ZNF474: variants seen among roughly 807,000 people sequenced by gnomAD.
The protein encoded by ZNF474 is 4933409D10Rik.
For synonymous variants in ZNF474, 192 were observed against 162.2 expected (o/e 1.18, Z -1.39); for missense variants, 511 against 433.8 (o/e 1.18, Z -1.58).
At chr5:122,141,358 G>T (rs551762241) in intron 1 of ZNF474, among the ~76,000 whole-genome samples, 50 of 142,828 alleles carry the variant, frequency 3.5e-4, no homozygotes, top group South Asian at 6.7e-4. Context: ...TGCCAGGCTG[G>T]AGTGCAATGG....
intron 1 of ZNF474, among the ~76,000 whole-genome samples, chr5:122,141,739 C>G (rs1244470103): frequency 6.6e-6 from 1 of 152,182 alleles, no homozygotes; most frequent in Non-Finnish European, 1.5e-5. Context: ...ACACCCAGCT[C>G]ACAGCACGAT....
intron 1 of ZNF474, among the ~76,000 whole-genome samples, chr5:122,131,048 T>G (rs1047414057): frequency 3.5e-4 from 53 of 152,102 alleles, no homozygotes; most frequent in African/African-American, 1.2e-3. Flanking sequence ...CAGGTAGGTA[T>G]ATGAAGATGC....
At position 122,151,960 on chromosome 5, in the gene ZNF474, G is replaced by A; in HGVS notation, c.-31G>A. 6.3e-7 allele frequency: 1 copy of A among 1,583,786 alleles called. No homozygotes were observed. Among genetic ancestry groups the A allele is most frequent in the Non-Finnish European group, 8.5e-7 (1 of 1,170,996 alleles). ...CCAAAGTGAGTCTGGCCTGAAATCA[G>A]AGCAAGCACTACAGAAAGACATCTT... is the stretch of plus-strand genomic sequence containing the variant. On this transcript the variant is annotated 5_prime_UTR_variant, in exon 2 of 2. Coordinates refer to ENST00000296600, the MANE Select transcript of ZNF474 (RefSeq NM_207317.3).
chr5:122,153,117 C>G lies in ZNF474; in HGVS notation c.*32C>G. On this transcript the variant is annotated 3_prime_UTR_variant, in exon 2 of 2. Transcript: ENST00000296600. ...AAGAGAAAACTATCCCCAGAATCAG[C>G]CACCTCAGCCCCTAGTATTTTTTCT... 2 of 1,564,604 alleles carry G rather than the reference C, an allele frequency of 1.3e-6. No individual in the cohort carries two copies. Among genetic ancestry groups the G allele is most frequent in the Non-Finnish European group, 1.7e-6 (2 of 1,158,074 alleles).
rs370174856 is a variant in ZNF474, at chr5:122,134,747, G to C, written c.-213+5064G>C. Among the ~76,000 whole-genome samples the C allele has an allele frequency of 4.7e-4, 71 of 152,278 alleles. 2 individuals carry two copies. The South Asian group carries it at 0.01, about 22-fold the overall frequency. ...GTGGCCTTGAAAATGTTCTTCTTGA[G>C]TGCCTGGTACTTGGGGGTTCTCTTT... On this transcript the variant is annotated intron_variant, in intron 1 of 1. Transcript: ENST00000296600.
At chr5:122,130,145 A>G (rs1755544242) in intron 1 of ZNF474, among the ~76,000 whole-genome samples, 1 of 152,142 alleles carries the variant, frequency 6.6e-6, no homozygotes, top group South Asian at 2.1e-4. Flanking sequence ...GGCTATAATT[A>G]CTCAGTTGTC....
In ZNF474 at chr5:122,152,978, A is replaced by G. The variant is rs1756238851; in HGVS notation, c.988A>G (p.Thr330Ala). 4 of 1,614,020 alleles carry G rather than the reference A, an allele frequency of 2.5e-6. No individual in the cohort carries two copies. In the African/African-American group the frequency reaches 5.3e-5, roughly 22 times the overall value. The change falls in exon 2 of 2, where the codon ACT (threonine) becomes GCT (alanine). Residue 330 changes from threonine to alanine, a missense_variant. Coordinates refer to ENST00000296600, the MANE Select transcript of ZNF474 (RefSeq NM_207317.3). ...LGSKGGLKEYTNSKQQRNRAA... is the reference protein window; with the variant it reads ...LGSKGGLKEYANSKQQRNRAA... ...GAGTAAAGGAGGCCTAAAAGAGTAC[A>G]CTAATTCCAAGCAGCAAAGGAACAG... is the stretch of plus-strand genomic sequence containing the variant.
At chr5:122,150,469 C>T (rs1163380299) in intron 1 of ZNF474, among the ~76,000 whole-genome samples, 4 of 152,136 alleles carry the variant, frequency 2.6e-5, no homozygotes, top group African/African-American at 9.7e-5. Context: ...ATCCAGTGCC[C>T]AGGGTTTCCA....
rs747398495 is a variant in ZNF474, at chr5:122,153,021, C to T, written c.1031C>T (p.Thr344Ile). 6.2e-7 allele frequency: 1 copy of T among 1,614,132 alleles called. No individual in the cohort carries two copies. The highest frequency in any genetic ancestry group is 1.1e-5 in the South Asian group (1 of 91,076). The change falls in exon 2 of 2, where the codon ACT becomes ATT. Residue 344 changes from threonine (T) to isoleucine (I), a missense_variant. By Grantham distance (89) the Thr-to-Ile change is moderately conservative (BLOSUM62 -1). Coordinates refer to ENST00000296600, the MANE Select transcript of ZNF474 (RefSeq NM_207317.3). ...AGGAACAGGGCAGCACCCAGTGTAACTGATAAGGTAATTCATGCCACACAA... is the reference window on the plus strand; with the variant it reads ...AGGAACAGGGCAGCACCCAGTGTAATTGATAAGGTAATTCATGCCACACAA... Reference protein sequence around the residue: ...QQRNRAAPSVTDKVIHATQDA... With the variant: ...QQRNRAAPSVIDKVIHATQDA...
chr5:122,152,396 C>A lies in ZNF474; in HGVS notation c.406C>A (p.Pro136Thr), dbSNP rs1301581536. The A allele has an allele frequency of 3.1e-6, 5 of 1,614,084 alleles. No homozygotes were observed. Among genetic ancestry groups the A allele is most frequent in the Admixed American group, 3.3e-5 (2 of 60,012 alleles). The part of the protein sequence containing the change: ...KLPKHLRRPE[P>T]SKPQSLSSSG... ...GCCCAAGCATTTGAGGAGGCCAGAA[C>A]CCTCCAAACCACAGTCTCTCAGCAG... The change falls in exon 2 of 2, where the codon CCC becomes ACC. Residue 136 changes from proline to threonine, a missense_variant. By Grantham distance (38) the Pro-to-Thr change is conservative. Coordinates refer to ENST00000296600, the MANE Select transcript of ZNF474 (RefSeq NM_207317.3).
chr5:122,150,014 A>G lies in ZNF474; in HGVS notation c.-212-1765A>G, dbSNP rs151142400. 3.3e-5 allele frequency among the ~76,000 whole-genome samples: 5 copies of G among 152,126 alleles called. No individual in the cohort carries two copies. In the East Asian group the frequency reaches 9.7e-4, roughly 29 times the overall value. On this transcript the variant is annotated intron_variant, in intron 1 of 1. Transcript: ENST00000296600. ...AGGGGAAGGAGGCTTATTTGATTGC[A>G]TTGATTTTTCTAATCTGTCTTCTTA...
At chr5:122,137,679 G>C (rs1166607589) in intron 1 of ZNF474, among the ~76,000 whole-genome samples, 5 of 152,126 alleles carry the variant, frequency 3.3e-5, no homozygotes, top group African/African-American at 4.8e-5. Context: ...AACATGGATG[G>C]AGCATGGTGC....
Position 122,152,711 on chromosome 5 carries a change from C to G in ZNF474, c.721C>G (p.Pro241Ala). ...CACCCTGTCCCTTCCTATTCATGAG[C>G]CCAAATGCCTGGAAAAGTGGAAAAT... is the stretch of plus-strand genomic sequence containing the variant. ...FGTLSLPIHE[P>A]KCLEKWKMEN... Residue 241 changes from proline (P) to alanine (A), a missense_variant, in exon 2 of 2, where the codon CCC becomes GCC. Coordinates refer to ENST00000296600, the MANE Select transcript of ZNF474 (RefSeq NM_207317.3). 1 of 1,614,152 alleles carries G rather than the reference C, an allele frequency of 6.2e-7. No homozygotes were observed. Among genetic ancestry groups the G allele is most frequent in the East Asian group, 2.2e-5 (1 of 44,868 alleles).
intron 1 of ZNF474, among the ~76,000 whole-genome samples, chr5:122,141,340 C>T (rs1311250386): frequency 7.5e-6 from 1 of 133,876 alleles, no homozygotes; most frequent in African/African-American, 3.1e-5. Context: ...GAGGGAGTCT[C>T]CCTCTCTTGC....
intron 1 of ZNF474, among the ~76,000 whole-genome samples, chr5:122,135,420 T>G (rs918325024): frequency 1.1e-4 from 17 of 152,124 alleles, no homozygotes; most frequent in African/African-American, 4.1e-4. Flanking sequence ...ATCAAAGAAA[T>G]GCAAATCAAA....
At position 122,153,325 on chromosome 5, in the gene ZNF474, T is replaced by C; in HGVS notation, c.*240T>C. ...GACTTCTTTCTTCCCTGATCCCTGA[T>C]ACAAATAATCCCTGGGAGAGACAGT... is the stretch of plus-strand genomic sequence containing the variant. On this transcript the variant is annotated 3_prime_UTR_variant, in exon 2 of 2. Transcript: ENST00000296600. 2.1e-6 allele frequency: 1 copy of C among 470,514 alleles called. No homozygotes were observed. Among genetic ancestry groups the C allele is most frequent in the Non-Finnish European group, 3.8e-6 (1 of 263,182 alleles). 29.1% of individuals were successfully genotyped at this position (470,514 alleles called of 1,614,324 possible).
At chr5:122,136,916 C>G (rs1486513179) in intron 1 of ZNF474, among the ~76,000 whole-genome samples, 1 of 152,168 alleles carries the variant, frequency 6.6e-6, no homozygotes, top group African/African-American at 2.4e-5. Flanking sequence ...TACAATGTGC[C>G]TGGCACTGGG....
At chr5:122,138,697 A>T (rs114862309) in intron 1 of ZNF474, among the ~76,000 whole-genome samples, 123 of 152,280 alleles carry the variant, frequency 8.1e-4, no homozygotes, top group African/African-American at 2.8e-3. Context: ...TACTAAATGA[A>T]GATTATAACA....
At chr5:122,130,246 TGAGTTTAACA>T (rs996734670) in intron 1 of ZNF474, among the ~76,000 whole-genome samples, 2 of 152,122 alleles carry the variant, frequency 1.3e-5, no homozygotes, top group Non-Finnish European at 2.9e-5. Flanking sequence ...CTAAAATCAA[TGAGTTTAACA>T]GGTATATACA....
Sources: gnomAD v4.1 joint callset for allele counts (sites outside exome capture counted in the v4.1 genomes callset) on GRCh38, gnomAD v4.1.1 for gene constraint, MANE v1.5 for transcripts, NCBI Gene and HGNC (gene_info 2026-07-23, HGNC 2026-07-21) for gene names.